Variants in ADAMTSL1 observed in about 807,000 individuals in gnomAD.
ADAMTSL1 encodes the protein ADAMTS like 1, also known as ADAMTS-like protein 1.
ADAMTSL1 carries 126 observed loss-of-function variants against 201.8 expected under a neutral mutation model. The ratio of observed to expected loss-of-function variants is 0.62; its 90% CI spans 0.54 to 0.72. The LOEUF (loss-of-function observed/expected upper bound fraction) is 0.72. Among genes scored for constraint, ADAMTSL1 ranks in the 30% least tolerant of loss-of-function variants. The pLI, the probability that ADAMTSL1 is intolerant of heterozygous loss-of-function variation, is 0.00. For missense variants in ADAMTSL1, 2,679 were observed against 2,277.8 expected (o/e 1.18, Z -3.59); for synonymous variants, 1,121 against 903.4 (o/e 1.24, Z -4.32).
At chr9:18,826,600 T>C in intron 22 of ADAMTSL1, 137 bp downstream of exon 22, 1 of 1,073,314 alleles carries the variant, frequency 9.3e-7, no homozygotes, top group Non-Finnish European at 1.3e-6. Context: ...TCTTCCCAAT[T>C]TAGGGCCTTT....
At chr9:18,461,494 G>A (rs1415412045) in intron 2 of ADAMTSL1, among the ~76,000 whole-genome samples, 4 of 152,024 alleles carry the variant, frequency 2.6e-5, no homozygotes, top group Non-Finnish European at 4.4e-5. Context: ...TTATATTATG[G>A]TTGATAGACA....
At chr9:18,458,498 T>A (rs1369662306) in intron 2 of ADAMTSL1, among the ~76,000 whole-genome samples, 1 of 152,148 alleles carries the variant, frequency 6.6e-6, no homozygotes, top group Non-Finnish European at 1.5e-5. Flanking sequence ...ATCTGAACAG[T>A]TTACCCAGTT....
Position 18,099,357 on chromosome 9 carries a change from T to TATATATATATATATA in ADAMTSL1, c.88-64505_88-64504insATATATATATATATA, listed in dbSNP as rs58492343. On this transcript the variant is annotated intron_variant, in intron 1 of 29. Coordinates refer to the ADAMTSL1 transcript ENST00000680146. The stretch of plus-strand genomic sequence containing the variant: ...TATATATATATATATATATATATAT[T>TATATATATATATATA]TTTTTTTTTTTTTTTAACATCCATT... Among the ~76,000 whole-genome samples the TATATATATATATATA allele has an allele frequency of 3.4e-3, 194 of 56,958 alleles. 1 individual carries two copies. Among genetic ancestry groups the TATATATATATATATA allele is most frequent in the Middle Eastern group, 0.01 (1 of 100 alleles). The allele number at this position is 56,958 out of a possible 152,430, so 37.4% of individuals were successfully genotyped here. A position where few individuals can be genotyped will look rare whatever the true frequency, so the allele number is the denominator to read the frequency against.
chr9:17,951,627 C>CTT (rs60569100), intron 1 of ADAMTSL1, among the ~76,000 whole-genome samples: 1,736 of 143,848 alleles, frequency 0.012, 28 homozygotes, highest in African/African-American at 0.042. Flanking sequence ...AACCATTACT[C>CTT]TTTTTTTTTT....
At chr9:18,605,166 G>A (rs1824930908) in intron 4 of ADAMTSL1, among the ~76,000 whole-genome samples, 1 of 152,076 alleles carries the variant, frequency 6.6e-6, no homozygotes, top group African/African-American at 2.4e-5. Flanking sequence ...ATAGTGAGAT[G>A]CCTCTCTGCA....
intron 2 of ADAMTSL1, among the ~76,000 whole-genome samples, chr9:18,221,423 G>C (rs973746795): frequency 6.6e-6 from 1 of 152,138 alleles, no homozygotes; most frequent in Non-Finnish European, 1.5e-5. Flanking sequence ...GGATGCCTGA[G>C]TTGTGTGTTG....
At chr9:18,301,722 A>C (rs976639058) in intron 2 of ADAMTSL1, among the ~76,000 whole-genome samples, 1 of 152,184 alleles carries the variant, frequency 6.6e-6, no homozygotes, top group African/African-American at 2.4e-5. Flanking sequence ...ACACATAACC[A>C]CTTAGAGGAA....
At position 18,350,958 on chromosome 9, in the gene ADAMTSL1, A is replaced by G. The variant is rs944922491; in HGVS notation, c.208-153871A>G. Among the ~76,000 whole-genome samples, 59 of 152,348 alleles carry G rather than the reference A, an allele frequency of 3.9e-4. 1 individual carries two copies. The highest frequency in any genetic ancestry group is 1.3e-3 in the African/African-American group (55 of 41,588). The stretch of plus-strand genomic sequence containing the variant: ...TTGGCAAAGCATCATATAGATGTAT[A>G]TATGAAATTAAATTTCTTATATGGA... On this transcript the variant is annotated intron_variant, in intron 2 of 29. Transcript: ENST00000680146.
At chr9:18,326,453 G>T (rs1335019250) in intron 2 of ADAMTSL1, among the ~76,000 whole-genome samples, 1 of 150,964 alleles carries the variant, frequency 6.6e-6, no homozygotes, top group African/African-American at 2.4e-5. Context: ...AAGTGGAGAT[G>T]GAGAGGAGTC....
chr9:17,974,204 C>G (rs985317152), intron 1 of ADAMTSL1, among the ~76,000 whole-genome samples: 4 of 152,016 alleles, frequency 2.6e-5, no homozygotes, highest in Non-Finnish European at 5.9e-5. Flanking sequence ...GATGCCCTCT[C>G]TCACCACTCC....
upstream of ADAMTSL1, among the ~76,000 whole-genome samples, chr9:18,472,455 C>T (rs1275786709): frequency 2.0e-5 from 3 of 152,162 alleles, no homozygotes. Context: ...TCTAGGTCCA[C>T]ATACTTAATA....
chr9:17,999,049 T>C (rs1341179916), intron 1 of ADAMTSL1, among the ~76,000 whole-genome samples: 4 of 152,106 alleles, frequency 2.6e-5, no homozygotes, highest in African/African-American at 7.2e-5. Context: ...TCTTTTTTTG[T>C]TCCCTATATA....
chr9:18,094,445 C>T (rs540981673), intron 1 of ADAMTSL1, among the ~76,000 whole-genome samples: 3 of 152,284 alleles, frequency 2.0e-5, no homozygotes, highest in African/African-American at 7.2e-5. Context: ...TTCCCCCATA[C>T]ACCCTTCACT....
intron 23 of ADAMTSL1, among the ~76,000 whole-genome samples, chr9:18,868,808 C>T (rs77011056): frequency 0.01 from 1,537 of 152,266 alleles, 24 homozygotes; most frequent in African/African-American, 0.035. Flanking sequence ...CAGTTGCCTC[C>T]GCCTCTTCAA....
intron 2 of ADAMTSL1, among the ~76,000 whole-genome samples, chr9:18,360,092 G>A (rs1485744219): frequency 6.6e-6 from 1 of 152,046 alleles, no homozygotes; most frequent in Non-Finnish European, 1.5e-5. Flanking sequence ...ACAGTGAGGG[G>A]AAGTCAGATG....
intron 2 of ADAMTSL1, among the ~76,000 whole-genome samples, chr9:18,305,023 G>A (rs544986233): frequency 5.3e-5 from 8 of 152,252 alleles, no homozygotes; most frequent in African/African-American, 1.7e-4. Flanking sequence ...ATCTCATTGG[G>A]CCTGGTTAGA....
rs1312111662 is a variant in ADAMTSL1, at chr9:17,940,726, AAG to A, written c.87+33806_87+33807del. ...TGCATAACGTGCAAAAAAAAAAAAAAAGAAAAAAAAGAAAAAAAATGAGACCC... is the reference window on the plus strand; with the variant it reads ...TGCATAACGTGCAAAAAAAAAAAAAAAAAAAAAAGAAAAAAAATGAGACCC... On this transcript the variant is annotated intron_variant, in intron 1 of 29. Transcript: ENST00000680146. 4.5e-3 allele frequency among the ~76,000 whole-genome samples: 564 copies of A among 125,988 alleles called. 3 individuals are homozygous for A. Among genetic ancestry groups the A allele is most frequent in the African/African-American group, 0.015 (497 of 34,206 alleles). The allele number at this position is 125,988 out of a possible 152,430, so 82.7% of individuals were successfully genotyped here. A position where few individuals can be genotyped will look rare whatever the true frequency, so the allele number is the denominator to read the frequency against.
At chr9:18,328,632 G>A (rs113685715) in intron 2 of ADAMTSL1, among the ~76,000 whole-genome samples, 5 of 152,300 alleles carry the variant, frequency 3.3e-5, no homozygotes, top group African/African-American at 9.6e-5. Context: ...AAAAGATCAT[G>A]CCTTAATCCA....
At chr9:18,165,466 C>T (rs1330510239) in intron 2 of ADAMTSL1, among the ~76,000 whole-genome samples, 1 of 151,800 alleles carries the variant, frequency 6.6e-6, no homozygotes, top group Non-Finnish European at 1.5e-5. Context: ...ATTATTACTA[C>T]CTAATATTAC....
Sources: allele counts gnomAD v4.1 joint callset (sites outside exome capture counted in the v4.1 genomes callset), GRCh38; gene constraint gnomAD v4.1.1; transcripts MANE v1.5; gene names NCBI Gene and HGNC (gene_info 2026-07-23, HGNC 2026-07-21).